ITPR1: variants seen among roughly 807,000 people sequenced by gnomAD.
The protein encoded by ITPR1 is inositol 1,4,5-trisphosphate receptor type 1, also known as inositol 1,4,5-trisphosphate-gated calcium channel ITPR1.
Under a neutral mutation model 318.4 loss-of-function variants are expected in ITPR1, and 96 were observed. That is an observed-to-expected ratio of 0.30 (90% CI 0.26 to 0.36). The LOEUF is 0.36. Among genes scored for constraint, ITPR1 ranks in the 10% least tolerant of loss-of-function variants. The pLI is 1.00. For synonymous variants in ITPR1, 1,312 were observed against 1,289.9 expected (o/e 1.02, Z -0.37); for missense variants, 2,440 against 3,460.2 (o/e 0.71, Z 7.40).
At chr3:4,499,390 A>T (rs2080850545) in intron 2 of ITPR1, among the ~76,000 whole-genome samples, 1 of 152,174 alleles carries the variant, frequency 6.6e-6, no homozygotes, top group Admixed American at 6.5e-5. Context: ...ACATCTTTTT[A>T]ATAAACAGAC....
intron 44 of ITPR1, among the ~76,000 whole-genome samples, chr3:4,744,938 TTCCTTCCTTC>T (rs1559817476): frequency 2.0e-5 from 2 of 99,964 alleles, no homozygotes; most frequent in African/African-American, 4.3e-5. Context: ...CCTTCCTTCC[TTCCTTCCTTC>T]CCTCCCTCCC....
chr3:4,604,932 A>G (rs2091591720), intron 4 of ITPR1, among the ~76,000 whole-genome samples: 1 of 152,088 alleles, frequency 6.6e-6, no homozygotes, highest in African/African-American at 2.4e-5. Context: ...GAATCTAACC[A>G]TGAGAAGACA....
intron 40 of ITPR1, among the ~76,000 whole-genome samples, chr3:4,721,170 GTGTATATATATATA>G (rs2042130426): frequency 7.4e-5 from 1 of 13,564 alleles, no homozygotes; most frequent in Non-Finnish European, 1.3e-4. Context: ...GTGTGTGTGC[GTGTATATATATATA>G]TATATATATA....
intron 44 of ITPR1, among the ~76,000 whole-genome samples, chr3:4,737,132 G>T (rs2043331103): frequency 6.6e-6 from 1 of 152,042 alleles, no homozygotes; most frequent in Non-Finnish European, 1.5e-5. Flanking sequence ...CAAATTAGAA[G>T]TTGGAAACCC....
At chr3:4,696,940 A>C (rs2094568521) in intron 33 of ITPR1, among the ~76,000 whole-genome samples, 1 of 152,104 alleles carries the variant, frequency 6.6e-6, no homozygotes, top group East Asian at 1.9e-4. Flanking sequence ...CTTTACCTTG[A>C]GATCATGAAA....
intron 4 of ITPR1, among the ~76,000 whole-genome samples, chr3:4,555,318 A>G (rs1459819247): frequency 6.6e-6 from 1 of 152,170 alleles, no homozygotes; most frequent in African/African-American, 2.4e-5. Flanking sequence ...ACAGGACTAG[A>G]AACTTGGTCT....
chr3:4,837,330 G>C (rs1311647738), intron 61 of ITPR1, among the ~76,000 whole-genome samples: 1 of 151,980 alleles, frequency 6.6e-6, no homozygotes, highest in Non-Finnish European at 1.5e-5. Context: ...CCTCAGACTT[G>C]TCAAATCCTC....
In ITPR1 at chr3:4,675,040, G is replaced by A. The variant is rs371006268; in HGVS notation, c.2599-28G>A. 5.8e-5 allele frequency: 76 copies of A among 1,301,862 alleles called. No individual in the cohort carries two copies. The African/African-American group carries it at 6.1e-4, about 11-fold the overall frequency. 80.6% of individuals were successfully genotyped at this position (1,301,862 alleles called of 1,614,324 possible). A position where few individuals can be genotyped will look rare whatever the true frequency, so the allele number is the denominator to read the frequency against. ...AAGGGGATGCAGTTTATGTAATACC[G>A]TCTTCTTCTTTTATTTTAATACAAT... On this transcript the variant is annotated intron_variant, in intron 22 of 61. Transcript: ENST00000649015.
chr3:4,536,802 C>T (rs1236177385), intron 4 of ITPR1, among the ~76,000 whole-genome samples: 2 of 152,312 alleles, frequency 1.3e-5, no homozygotes, highest in East Asian at 3.9e-4. Flanking sequence ...ACCCAAATAT[C>T]CACAGGCCCT....
At chr3:4,782,445 G>C in intron 49 of ITPR1, 174 bp from the exon 50 acceptor site, 1 of 511,864 alleles carries the variant, frequency 2.0e-6, no homozygotes. Flanking sequence ...GATTGGTATT[G>C]ATGGCCTGTG....
At chr3:4,732,001 C>A (rs922106907) in intron 42 of ITPR1, among the ~76,000 whole-genome samples, 1 of 152,186 alleles carries the variant, frequency 6.6e-6, no homozygotes, top group African/African-American at 2.4e-5. Flanking sequence ...CTCTTCATGA[C>A]GTACCAGAGG....
intron 60 of ITPR1, among the ~76,000 whole-genome samples, chr3:4,829,959 T>TTTG (rs2050348809): frequency 8.1e-5 from 7 of 86,954 alleles, no homozygotes; most frequent in African/African-American, 2.8e-4. Context: ...TAACAGTTTT[T>TTTG]TTTTTTTTTT....
At chr3:4,789,910 G>A (rs1480407614) in intron 52 of ITPR1, among the ~76,000 whole-genome samples, 1 of 152,166 alleles carries the variant, frequency 6.6e-6, no homozygotes, top group East Asian at 1.9e-4. Context: ...GAGCCACTGC[G>A]CCCAGCCAAT....
intron 5 of ITPR1, among the ~76,000 whole-genome samples, chr3:4,630,405 T>C (rs748846528): frequency 2.0e-5 from 3 of 152,082 alleles, no homozygotes; most frequent in Non-Finnish European, 4.4e-5. Flanking sequence ...ATCCCTAAAG[T>C]GTAAAATCCT....
chr3:4,508,457 T>G (rs558575919), intron 2 of ITPR1, among the ~76,000 whole-genome samples: 12 of 140,348 alleles, frequency 8.6e-5, no homozygotes, highest in South Asian at 6.6e-4. Context: ...AAATCAAGGT[T>G]TTTTTTTTTT....
At chr3:4,656,270 C>A (rs1402916390) in intron 12 of ITPR1, among the ~76,000 whole-genome samples, 1 of 152,230 alleles carries the variant, frequency 6.6e-6, no homozygotes, top group Non-Finnish European at 1.5e-5. Context: ...CTCTCAACTC[C>A]CACAGGTCTC....
chr3:4,528,971 G>A (rs781712435), intron 4 of ITPR1, among the ~76,000 whole-genome samples: 18 of 152,220 alleles, frequency 1.2e-4, no homozygotes, highest in Admixed American at 1.1e-3. Flanking sequence ...AATGTTCACA[G>A]TGTGTTACAC....
chr3:4,641,976 C>A, intron 6 of ITPR1, 117 bp from the exon 7 acceptor site: 1 of 752,054 alleles, frequency 1.3e-6, no homozygotes, highest in Non-Finnish European at 2.0e-6. Context: ...TCTCTGGCTT[C>A]ACCAGCAGCT....
rs558671980 is a variant in ITPR1, at chr3:4,670,189, G to C, written c.2006+416G>C. On this transcript the variant is annotated intron_variant, in intron 19 of 61. Coordinates refer to ENST00000649015, the MANE Select transcript of ITPR1 (RefSeq NM_001378452.1). ...ATGTTTATTGGTCTGCAGAATTTTT[G>C]TTACCAGTAGTAATTCATTTTTGGC... is the stretch of plus-strand genomic sequence containing the variant. Among the ~76,000 whole-genome samples the C allele has an allele frequency of 2.0e-5, 3 of 152,244 alleles. No homozygotes were observed. In the South Asian group the frequency reaches 6.2e-4, roughly 32 times the overall value.
Sources: allele counts gnomAD v4.1 joint callset (sites outside exome capture counted in the v4.1 genomes callset), GRCh38; gene constraint gnomAD v4.1.1; transcripts MANE v1.5; gene names NCBI Gene and HGNC (gene_info 2026-07-23, HGNC 2026-07-21).